TYW1B: variants seen among roughly 807,000 people sequenced by gnomAD.
TYW1B encodes the protein tRNA-yW synthesizing protein 1 homolog B.
TYW1B carries 73 observed loss-of-function variants against 86.9 expected under a neutral mutation model. The ratio of observed to expected loss-of-function variants is 0.84; its 90% CI spans 0.70 to 1.02. The LOEUF (loss-of-function observed/expected upper bound fraction) is 1.02. Among genes scored for constraint, TYW1B ranks in the 50% least tolerant of loss-of-function variants. The pLI is 0.00. For missense variants in TYW1B, 637 were observed against 827.4 expected, an observed-to-expected ratio of 0.77 and a Z score of 2.82; for synonymous variants, 248 against 292.8, an observed-to-expected ratio of 0.85 and a Z score of 1.56.
intron 7 of TYW1B, among the ~76,000 whole-genome samples, chr7:72,747,848 C>T (rs2129571411): frequency 6.6e-6 from 1 of 152,254 alleles, no homozygotes; most frequent in African/African-American, 2.4e-5. Flanking sequence ...ATTTTTTTAT[C>T]AGCATTTTTA....
At chr7:72,686,783 G>A (rs1409001753) in intron 11 of TYW1B, among the ~76,000 whole-genome samples, 2 of 152,052 alleles carry the variant, frequency 1.3e-5, no homozygotes, top group Non-Finnish European at 2.9e-5. Flanking sequence ...TTGATAAGGA[G>A]GTAATGTATG....
chr7:72,797,709 C>T (rs781873307), intron 6 of TYW1B, among the ~76,000 whole-genome samples: 2 of 152,090 alleles, frequency 1.3e-5, no homozygotes, highest in Non-Finnish European at 2.9e-5. Flanking sequence ...GGAGTGAGAC[C>T]CTGTCTCAAA....
rs201453277 is a variant in TYW1B at position 72,721,265 on chromosome 7, A to G, written c.1193-7467T>C. ...ATAATCCTTTGGGTATACACCCAGT[A>G]ATGGGATGGCTGGGTCAAATGGTAT... On this transcript the variant is annotated intron_variant, in intron 9 of 13. Coordinates refer to ENST00000620995, the MANE Select transcript of TYW1B (RefSeq NM_001145440.3). Among the ~76,000 whole-genome samples, 33 of 152,300 alleles carry G rather than the reference A, an allele frequency of 2.2e-4. 1 individual carries two copies. In the East Asian group the frequency reaches 5.6e-3, roughly 26 times the overall value.
intron 11 of TYW1B, among the ~76,000 whole-genome samples, chr7:72,644,971 G>A (rs1554441865): frequency 1.3e-5 from 2 of 152,046 alleles, no homozygotes; most frequent in African/African-American, 4.8e-5. Context: ...GGGACTACAG[G>A]CGTGTGCCAC....
At chr7:72,606,767 G>C (rs1170045848) in intron 13 of TYW1B, among the ~76,000 whole-genome samples, 4 of 151,754 alleles carry the variant, frequency 2.6e-5, no homozygotes, top group Admixed American at 2.0e-4. Flanking sequence ...CCTACAGTAG[G>C]TCAATAGAAG....
At chr7:72,749,901 T>C (rs1350616374) in intron 7 of TYW1B, among the ~76,000 whole-genome samples, 4 of 128,668 alleles carry the variant, frequency 3.1e-5, no homozygotes, top group African/African-American at 1.2e-4. Context: ...AATTCTATGT[T>C]GGTTTTTTTT....
chr7:72,603,849 C>T (rs1647922007), intron 13 of TYW1B, among the ~76,000 whole-genome samples: 2 of 152,072 alleles, frequency 1.3e-5, no homozygotes, highest in African/African-American at 4.8e-5. Context: ...GAGTACCCCT[C>T]AAAGCTATCA....
At chr7:72,808,529 CTT>C (rs66804350) in intron 4 of TYW1B, among the ~76,000 whole-genome samples, 1 of 138,608 alleles carries the variant, frequency 7.2e-6, no homozygotes, top group Non-Finnish European at 1.5e-5. Context: ...TTTTATTTTA[CTT>C]TTTTTTTTTT....
chr7:72,669,134 C>CTTTTTTTTTTTTTT (rs781821639), intron 11 of TYW1B, among the ~76,000 whole-genome samples: 1 of 81,522 alleles, frequency 1.2e-5, no homozygotes, highest in Non-Finnish European at 2.2e-5. Flanking sequence ...TAATTTTAAA[C>CTTTTTTTTTTTTTT]TTTTTTTTTT....
chr7:72,654,123 T>C (rs1304154103), intron 11 of TYW1B, among the ~76,000 whole-genome samples: 1 of 146,638 alleles, frequency 6.8e-6, no homozygotes, highest in African/African-American at 2.5e-5. Flanking sequence ...AAACAAGGAA[T>C]TAAGGGGAAC....
chr7:72,670,904 T>C (rs1356791831), intron 11 of TYW1B, among the ~76,000 whole-genome samples: 2 of 152,226 alleles, frequency 1.3e-5, no homozygotes, highest in African/African-American at 4.8e-5. Flanking sequence ...ATATACACGA[T>C]GTATTTTTAT....
intron 13 of TYW1B, among the ~76,000 whole-genome samples, chr7:72,578,132 G>C (rs6976397): frequency 1.2e-3 from 66 of 57,162 alleles, no homozygotes; most frequent in African/African-American, 4.8e-3. Flanking sequence ...TTTTTTTTTT[G>C]AGACGGAGTC....
chr7:72,752,709 C>T (rs1179779822), intron 7 of TYW1B, among the ~76,000 whole-genome samples: 5 of 150,850 alleles, frequency 3.3e-5, no homozygotes, highest in African/African-American at 9.8e-5. Context: ...CCAGCCTGGG[C>T]GACAGAATGA....
intron 9 of TYW1B, among the ~76,000 whole-genome samples, chr7:72,725,832 A>G (rs572477113): frequency 1.3e-5 from 2 of 152,154 alleles, no homozygotes; most frequent in East Asian, 3.9e-4. Context: ...CAACTCCTAA[A>G]AATGAACAAA....
intron 11 of TYW1B, among the ~76,000 whole-genome samples, chr7:72,647,392 C>G (rs1243551088): frequency 6.6e-6 from 1 of 152,102 alleles, no homozygotes; most frequent in South Asian, 2.1e-4. Flanking sequence ...TGAACAAAGA[C>G]TGATGAATAA....
chr7:72,645,540 T>C (rs1341476598), intron 11 of TYW1B, among the ~76,000 whole-genome samples: 1 of 152,222 alleles, frequency 6.6e-6, no homozygotes, highest in East Asian at 1.9e-4. Flanking sequence ...GCAATGTGAA[T>C]ATCCCTCAAT....
chr7:72,693,554 A>G lies in TYW1B; in HGVS notation c.1506+1133T>C, dbSNP rs1814226316. Among the ~76,000 whole-genome samples the G allele has an allele frequency of 2.0e-5, 3 of 151,696 alleles. No homozygotes were observed. In the South Asian group the frequency reaches 6.3e-4, roughly 32 times the overall value. On this transcript the variant is annotated intron_variant, in intron 11 of 13. Coordinates refer to ENST00000620995, the MANE Select transcript of TYW1B (RefSeq NM_001145440.3). ...CTCCTGAGTAGCTAGGACCACAGGT[A>G]ATTTTTGTATTTTGTTTTTTGGTAG...
At chr7:72,776,617 A>G (rs545075602) in intron 7 of TYW1B, among the ~76,000 whole-genome samples, 8 of 151,044 alleles carry the variant, frequency 5.3e-5, no homozygotes, top group African/African-American at 1.9e-4. Flanking sequence ...TATTAACAAA[A>G]ATGTTATTGC....
intron 12 of TYW1B, among the ~76,000 whole-genome samples, chr7:72,622,405 A>C (rs1812239418): frequency 6.6e-6 from 1 of 152,254 alleles, no homozygotes; most frequent in Non-Finnish European, 1.5e-5. Context: ...ACATTACCCC[A>C]TTGAATTCTC....
Sources: allele counts gnomAD v4.1 joint callset (sites outside exome capture counted in the v4.1 genomes callset), GRCh38; gene constraint gnomAD v4.1.1; transcripts MANE v1.5; gene names NCBI Gene and HGNC (gene_info 2026-07-23, HGNC 2026-07-21).